The following PRKG1 variants were observed in gnomAD, a reference collection of about 807,000 sequenced individuals.
The protein encoded by PRKG1 is protein kinase cGMP-dependent 1.
PRKG1 carries 35 observed loss-of-function variants against 88.1 expected under a neutral mutation model. The observed-to-expected ratio is 0.40, with a 90% CI of 0.30 to 0.53. The LOEUF is 0.53. Among genes scored for constraint, PRKG1 ranks in the 20% least tolerant of loss-of-function variants. The pLI is 0.59. For synonymous variants in PRKG1, 303 were observed against 292.5 expected (o/e 1.04, Z -0.37); for missense variants, 540 against 839.8 (o/e 0.64, Z 4.41).
chr10:51,548,862 T>C (rs1399929241), intron 3 of PRKG1, among the ~76,000 whole-genome samples: 1 of 152,090 alleles, frequency 6.6e-6, no homozygotes, highest in African/African-American at 2.4e-5. Context: ...TTAGATCTTG[T>C]ATGAATCTCA....
intron 2 of PRKG1, among the ~76,000 whole-genome samples, chr10:51,326,249 G>T (rs191894303): frequency 6.6e-6 from 1 of 152,320 alleles, no homozygotes; most frequent in East Asian, 1.9e-4. Flanking sequence ...TAGTTAGGAA[G>T]ACTGGAAGAA....
At chr10:51,149,626 A>C (rs1846017914) in intron 1 of PRKG1, among the ~76,000 whole-genome samples, 1 of 152,194 alleles carries the variant, frequency 6.6e-6, no homozygotes, top group Non-Finnish European at 1.5e-5. Flanking sequence ...AAGGAAAGAA[A>C]GGATTATCAT....
At chr10:51,333,904 T>A (rs556294238) in intron 2 of PRKG1, among the ~76,000 whole-genome samples, 2 of 152,338 alleles carry the variant, frequency 1.3e-5, no homozygotes, top group East Asian at 3.9e-4. Flanking sequence ...AACAGCTCCA[T>A]AACTAGTCTC....
At chr10:52,264,777 G>A (rs530800362) in intron 10 of PRKG1, among the ~76,000 whole-genome samples, 1 of 152,138 alleles carries the variant, frequency 6.6e-6, no homozygotes, top group South Asian at 2.1e-4. Flanking sequence ...TTTTTCCAGT[G>A]TGTGTTCTTT....
intron 11 of PRKG1, among the ~76,000 whole-genome samples, chr10:52,271,899 A>C (rs1841738853): frequency 6.6e-6 from 1 of 152,098 alleles, no homozygotes; most frequent in South Asian, 2.1e-4. Context: ...GTACTAATAA[A>C]TGGATAATGG....
chr10:51,409,554 G>C (rs1264445990), intron 2 of PRKG1, among the ~76,000 whole-genome samples: 1 of 151,960 alleles, frequency 6.6e-6, no homozygotes, highest in Non-Finnish European at 1.5e-5. Context: ...GCCAAGAGCT[G>C]TCTCTCAAAA....
At chr10:52,230,865 G>A (rs1430944096) in intron 9 of PRKG1, 1 of 152,202 alleles carries the variant, frequency 6.6e-6, no homozygotes, top group Non-Finnish European at 1.5e-5. Context: ...CACAGTGATT[G>A]TTTATTCAAA....
intron 3 of PRKG1, among the ~76,000 whole-genome samples, chr10:51,533,614 C>CT (rs1177081991): frequency 8.7e-5 from 7 of 80,492 alleles, no homozygotes; most frequent in South Asian, 5.0e-4. Context: ...CAACTAAAAG[C>CT]TTTAAAAAAA....
At chr10:51,734,569 A>C (rs1328226884) in intron 3 of PRKG1, among the ~76,000 whole-genome samples, 2 of 152,200 alleles carry the variant, frequency 1.3e-5, no homozygotes, top group Non-Finnish European at 2.9e-5. Context: ...TCCAATACGG[A>C]GTAAATGGAT....
intron 4 of PRKG1, among the ~76,000 whole-genome samples, chr10:51,884,339 G>A (rs1213766876): frequency 1.4e-5 from 2 of 145,682 alleles, no homozygotes; most frequent in Non-Finnish European, 3.0e-5. Context: ...CAGCTACACG[G>A]GAGGCTGAGG....
At chr10:51,398,926 C>A (rs888742388) in intron 2 of PRKG1, among the ~76,000 whole-genome samples, 2 of 152,124 alleles carry the variant, frequency 1.3e-5, no homozygotes, top group Non-Finnish European at 2.9e-5. Flanking sequence ...GGTTGTGGAG[C>A]CTTTCAGATT....
intron 3 of PRKG1, among the ~76,000 whole-genome samples, chr10:51,682,451 C>T (rs1840875305): frequency 6.6e-6 from 1 of 152,126 alleles, no homozygotes; most frequent in Admixed American, 6.6e-5. Context: ...GTCCTCATAG[C>T]TGATCTCGTT....
chr10:51,557,342 A>AC (rs1397856107), intron 3 of PRKG1, among the ~76,000 whole-genome samples: 11 of 134,400 alleles, frequency 8.2e-5, no homozygotes, highest in African/African-American at 2.2e-4. Flanking sequence ...GGCATACACC[A>AC]CCACCCCCCC....
chr10:51,791,307 C>A (rs1237291560), intron 3 of PRKG1, among the ~76,000 whole-genome samples: 1 of 152,102 alleles, frequency 6.6e-6, no homozygotes, highest in African/African-American at 2.4e-5. Flanking sequence ...TGGTATAGTT[C>A]TTGGCACATA....
At chr10:51,382,973 C>A (rs1172317865) in intron 2 of PRKG1, among the ~76,000 whole-genome samples, 2 of 152,130 alleles carry the variant, frequency 1.3e-5, no homozygotes, top group African/African-American at 4.8e-5. Context: ...CTAGACCAAA[C>A]ACCCTCTCTA....
chr10:52,248,045 T>C (rs750507337), intron 9 of PRKG1, among the ~76,000 whole-genome samples: 46 of 152,188 alleles, frequency 3.0e-4, no homozygotes, highest in Non-Finnish European at 6.2e-4. Context: ...AAGAAATACG[T>C]TGGGCTAGTT....
At chr10:52,018,076 C>T (rs922981746) in intron 5 of PRKG1, among the ~76,000 whole-genome samples, 22 of 151,998 alleles carry the variant, frequency 1.4e-4, no homozygotes, top group Non-Finnish European at 2.9e-4. Flanking sequence ...ATTTCAAGTT[C>T]AGTAGAGATC....
intron 9 of PRKG1, among the ~76,000 whole-genome samples, chr10:52,227,191 G>T (rs1379525692): frequency 6.6e-6 from 1 of 152,092 alleles, no homozygotes; most frequent in Non-Finnish European, 1.5e-5. Context: ...AAGGTTTTTA[G>T]TTCTATCTCT....
chr10:52,189,078 T>C (rs2132749850), intron 9 of PRKG1, among the ~76,000 whole-genome samples: 1 of 152,296 alleles, frequency 6.6e-6, no homozygotes, highest in South Asian at 2.1e-4. Flanking sequence ...AGAAGGGGCA[T>C]CTATATCAGT....
Sources: allele counts gnomAD v4.1 joint callset (sites outside exome capture counted in the v4.1 genomes callset), GRCh38; gene constraint gnomAD v4.1.1; transcripts MANE v1.5; gene names NCBI Gene and HGNC (gene_info 2026-07-23, HGNC 2026-07-21).